The following TLCD4 variants were observed in gnomAD, a reference collection of about 807,000 sequenced individuals.
TLCD4 encodes the protein TLC domain containing 4.
In TLCD4, 7 loss-of-function variants were observed where a neutral mutation model predicts 24.2. The observed-to-expected ratio is 0.29, with a 90% CI of 0.16 to 0.54. The LOEUF is 0.54. Among genes scored for constraint, TLCD4 ranks in the 20% least tolerant of loss-of-function variants. The probability of loss-of-function intolerance (pLI) is 0.95; values close to 1 mark genes in which losing one functional copy is unlikely to be tolerated. For missense variants in TLCD4, 259 were observed against 313.9 expected (o/e 0.82, Z 1.32); for synonymous variants, 103 against 106.4 (o/e 0.97, Z 0.20).
intron 1 of TLCD4, among the ~76,000 whole-genome samples, chr1:95,129,397 G>A (rs1676827044): frequency 6.6e-6 from 1 of 152,150 alleles, no homozygotes; most frequent in Admixed American, 6.6e-5. Flanking sequence ...CTTTTCTATA[G>A]CCATGAGCAA....
At chr1:95,100,021 T>C in the TLCD4 span, among the ~76,000 whole-genome samples, 1 of 150,992 alleles carries the variant, frequency 6.6e-6, no homozygotes, top group African/African-American at 2.4e-5. Flanking sequence ...CAGGCCATGG[T>C]CCCCACTACT....
intron 6 of TLCD4, among the ~76,000 whole-genome samples, chr1:95,188,280 C>T (rs12730083): frequency 6.7e-6 from 1 of 150,330 alleles, no homozygotes; most frequent in African/African-American, 2.4e-5. Context: ...CCCAGCTACT[C>T]GGGAGGCTGA....
chr1:95,175,888 A>C (rs933663465), intron 6 of TLCD4, among the ~76,000 whole-genome samples: 2 of 150,558 alleles, frequency 1.3e-5, no homozygotes, highest in South Asian at 2.1e-4. Context: ...GGATCCTCCC[A>C]CCTCAGCTTT....
chr1:95,110,617 G>A, the TLCD4 span, among the ~76,000 whole-genome samples: 2 of 152,054 alleles, frequency 1.3e-5, no homozygotes, highest in Admixed American at 1.3e-4. Flanking sequence ...GGCCAGGTGC[G>A]GTGGCTCACG....
At chr1:95,130,836 A>G (rs145651736) in intron 1 of TLCD4, among the ~76,000 whole-genome samples, 6 of 152,354 alleles carry the variant, frequency 3.9e-5, no homozygotes, top group African/African-American at 7.2e-5. Flanking sequence ...AGGAGCTTAC[A>G]GTAGATAAAT....
intron 1 of TLCD4, among the ~76,000 whole-genome samples, chr1:95,136,602 C>T (rs980194538): frequency 6.6e-6 from 1 of 152,122 alleles, no homozygotes; most frequent in Non-Finnish European, 1.5e-5. Context: ...TACTTTGGAT[C>T]ATTAATTTAC....
chr1:95,132,205 A>T (rs531773629), intron 1 of TLCD4, among the ~76,000 whole-genome samples: 4 of 152,330 alleles, frequency 2.6e-5, no homozygotes, highest in African/African-American at 9.6e-5. Context: ...CTGTAATCCC[A>T]GCACTTTGGA....
At chr1:95,101,426 TGTG>T in the TLCD4 span, among the ~76,000 whole-genome samples, 1 of 150,616 alleles carries the variant, frequency 6.6e-6, no homozygotes, top group South Asian at 2.1e-4. Flanking sequence ...TGTGTGTGTG[TGTG>T]TGTGTGTGTG....
intron 5 of TLCD4, among the ~76,000 whole-genome samples, chr1:95,166,674 A>G: frequency 6.6e-6 from 1 of 152,156 alleles, no homozygotes. Flanking sequence ...GATTGCACCT[A>G]GGCAGGAAGG....
intron 5 of TLCD4, among the ~76,000 whole-genome samples, chr1:95,162,642 G>T (rs1018426188): frequency 6.6e-6 from 1 of 152,060 alleles, no homozygotes; most frequent in African/African-American, 2.4e-5. Flanking sequence ...GTTAGTACTG[G>T]TTGTTCCTTT....
chr1:95,129,718 G>A (rs1676836125), intron 1 of TLCD4, among the ~76,000 whole-genome samples: 1 of 152,084 alleles, frequency 6.6e-6, no homozygotes, highest in Admixed American at 6.6e-5. Context: ...CTCCAGCCTG[G>A]GCAACAGAGT....
chr1:95,121,459 G>T (rs1008412561), intron 1 of TLCD4, among the ~76,000 whole-genome samples: 1 of 152,174 alleles, frequency 6.6e-6, no homozygotes, highest in Non-Finnish European at 1.5e-5. Context: ...GCCTCACAGA[G>T]AATTTGAAAA....
chr1:95,196,621 A>G lies in TLCD4; in HGVS notation c.*4753A>G, dbSNP rs1020062774. Reference sequence around the variant, plus strand: ...TACACTTATTCACTCTAAGCAGTGGACCATTTTGATATCAGGCCCTATACA... The same window carrying G: ...TACACTTATTCACTCTAAGCAGTGGGCCATTTTGATATCAGGCCCTATACA... On this transcript the variant is annotated 3_prime_UTR_variant, in exon 7 of 7. Transcript: ENST00000370203. 6.6e-6 allele frequency: 1 copy of G among 152,204 alleles called. No individual in the cohort carries two copies. The highest frequency in any genetic ancestry group is 6.5e-5 in the Admixed American group (1 of 15,268). 9.4% of individuals were successfully genotyped at this position (152,204 alleles called of 1,614,324 possible).
At chr1:95,093,324 G>A in the TLCD4 span, among the ~76,000 whole-genome samples, 4 of 152,122 alleles carry the variant, frequency 2.6e-5, no homozygotes, top group Non-Finnish European at 4.4e-5. Context: ...ATTGTGTCAG[G>A]TTTCCATTCT....
At position 95,191,830 on chromosome 1, in the gene TLCD4, A is replaced by G; in HGVS notation, c.754A>G (p.Lys252Glu). 2.5e-6 allele frequency: 4 copies of G among 1,614,108 alleles called. No individual in the cohort carries two copies. Among genetic ancestry groups the G allele is most frequent in the Non-Finnish European group, 3.4e-6 (4 of 1,180,004 alleles). ...AGTCATCTCTCACATCAGACAAGAG[A>G]AAGCCAAAAATAGTCTTCAGAATGG... Reference protein sequence around the residue: ...IKVISHIRQEKAKNSLQNGKL... With the variant: ...IKVISHIRQEEAKNSLQNGKL... The change falls in exon 7 of 7, where the codon AAA becomes GAA. Residue 252 changes from lysine to glutamate, a missense_variant. Coordinates refer to ENST00000370203, the MANE Select transcript of TLCD4 (RefSeq NM_152487.3).
intron 1 of TLCD4, among the ~76,000 whole-genome samples, chr1:95,133,303 G>A (rs944395174): frequency 2.6e-5 from 4 of 151,990 alleles, no homozygotes; most frequent in African/African-American, 7.3e-5. Context: ...GTTAATGGGT[G>A]CAGCACACCA....
chr1:95,175,503 A>T (rs908978313), intron 6 of TLCD4, among the ~76,000 whole-genome samples: 2 of 152,244 alleles, frequency 1.3e-5, no homozygotes, highest in Non-Finnish European at 2.9e-5. Flanking sequence ...ACATGGGCAT[A>T]CAAATATATT....
intron 5 of TLCD4, among the ~76,000 whole-genome samples, chr1:95,171,181 G>A (rs566287860): frequency 1.6e-4 from 24 of 152,078 alleles, no homozygotes; most frequent in African/African-American, 5.8e-4. Flanking sequence ...CGAACCTCTA[G>A]GCTCAAGTGA....
chr1:95,149,102 A>G (rs987692088), intron 3 of TLCD4, among the ~76,000 whole-genome samples: 12 of 152,202 alleles, frequency 7.9e-5, no homozygotes, highest in Non-Finnish European at 1.3e-4. Flanking sequence ...AGAAAAATAA[A>G]TCATTATTGA....
Sources: gnomAD v4.1 joint callset for allele counts (sites outside exome capture counted in the v4.1 genomes callset) on GRCh38, gnomAD v4.1.1 for gene constraint, MANE v1.5 for transcripts, NCBI Gene and HGNC (gene_info 2026-07-23, HGNC 2026-07-21) for gene names.